TRDN: variants seen among roughly 807,000 people sequenced by gnomAD.
The protein encoded by TRDN is triadin in skeletal muscle.
A neutral mutation model predicts 149.7 loss-of-function variants in TRDN; 161 were observed. The ratio of observed to expected loss-of-function variants is 1.08; its 90% confidence interval spans 0.95 to 1.23. The LOEUF (loss-of-function observed/expected upper bound fraction) is 1.23, where lower values mean the gene tolerates loss of function less well. Ranked by LOEUF, TRDN falls within the 50% of genes most tolerant of loss-of-function variation. The probability of loss-of-function intolerance (pLI) is 0.00; values close to 1 mark genes in which losing one functional copy is unlikely to be tolerated. For synonymous variants in TRDN, 294 were observed against 250.5 expected (o/e 1.17, Z -1.64); for missense variants, 896 against 823.5 (o/e 1.09, Z -1.08).
chr6:123,462,766 A>T (rs1776527764), intron 10 of TRDN: 1 of 151,842 alleles, frequency 6.6e-6, no homozygotes, highest in African/African-American at 2.4e-5. Context: ...CATCAAGAGG[A>T]CTGGCATAAT....
At chr6:123,279,866 A>G (rs2114629032) in intron 24 of TRDN, among the ~76,000 whole-genome samples, 1 of 152,240 alleles carries the variant, frequency 6.6e-6, no homozygotes, top group South Asian at 2.1e-4. Context: ...TAATTTCAAA[A>G]CTATCCTAGT....
intron 5 of TRDN, among the ~76,000 whole-genome samples, chr6:123,529,618 A>G (rs1780129386): frequency 1.3e-5 from 2 of 152,090 alleles, no homozygotes; most frequent in Admixed American, 1.3e-4. Context: ...ACTAGCTGCA[A>G]CTGTGGTATT....
At chr6:123,485,952 A>G (rs1777954169) in intron 9 of TRDN, among the ~76,000 whole-genome samples, 1 of 151,904 alleles carries the variant, frequency 6.6e-6, no homozygotes, top group Non-Finnish European at 1.5e-5. Flanking sequence ...TGAATGTTGT[A>G]TCACTAGTGG....
chr6:123,529,004 G>A, intron 5 of TRDN: 1 of 1,311,094 alleles, frequency 7.6e-7, no homozygotes, highest in East Asian at 2.9e-5. Context: ...TCTTAATTAT[G>A]GAAGACTTGC....
intron 2 of TRDN, among the ~76,000 whole-genome samples, chr6:123,551,053 A>G (rs1338444537): frequency 1.3e-5 from 2 of 151,638 alleles, no homozygotes; most frequent in Admixed American, 6.6e-5. Flanking sequence ...AAAAATCTGC[A>G]AATGAGATTT....
At chr6:123,242,963 C>T (rs1008953170) in intron 38 of TRDN, among the ~76,000 whole-genome samples, 3 of 152,180 alleles carry the variant, frequency 2.0e-5, no homozygotes, top group Non-Finnish European at 2.9e-5. Context: ...ATTCTGAGAG[C>T]TCAGCTCCAA....
At chr6:123,391,936 C>A (rs1772494266) in intron 13 of TRDN, among the ~76,000 whole-genome samples, 1 of 152,008 alleles carries the variant, frequency 6.6e-6, no homozygotes, top group Non-Finnish European at 1.5e-5. Flanking sequence ...ATGCCTATGG[C>A]ATTAAAATAA....
intron 20 of TRDN, among the ~76,000 whole-genome samples, chr6:123,354,669 T>C (rs1423707497): frequency 6.6e-6 from 1 of 151,764 alleles, no homozygotes; most frequent in Non-Finnish European, 1.5e-5. Context: ...ATGGAAAATA[T>C]ACAAGAGGTT....
chr6:123,304,982 T>A (rs1778556527), intron 24 of TRDN, among the ~76,000 whole-genome samples: 1 of 152,190 alleles, frequency 6.6e-6, no homozygotes, highest in Non-Finnish European at 1.5e-5. Flanking sequence ...CTTATTTAAT[T>A]TCTCCAAAAA....
chr6:123,225,845 T>C (rs1250037739), intron 38 of TRDN, among the ~76,000 whole-genome samples: 1 of 151,734 alleles, frequency 6.6e-6, no homozygotes, highest in Non-Finnish European at 1.5e-5. Flanking sequence ...TAATTTTAAG[T>C]CTGAGGCAAT....
At chr6:123,399,452 T>A (rs1772872692) in intron 12 of TRDN, among the ~76,000 whole-genome samples, 1 of 152,176 alleles carries the variant, frequency 6.6e-6, no homozygotes, top group Admixed American at 6.5e-5. Context: ...AAGATACAGA[T>A]CATTTGGCCT....
intron 1 of TRDN, among the ~76,000 whole-genome samples, chr6:123,635,724 C>A (rs1362585864): frequency 6.6e-6 from 1 of 151,790 alleles, no homozygotes; most frequent in Admixed American, 6.6e-5. Flanking sequence ...CAAAGCAAAC[C>A]AGCACAGCAT....
intron 22 of TRDN, among the ~76,000 whole-genome samples, chr6:123,337,370 AC>A (rs1779910267): frequency 6.6e-6 from 1 of 152,004 alleles, no homozygotes; most frequent in Non-Finnish European, 1.5e-5. Context: ...CATTAAAAAA[AC>A]CTTTTTTCAT....
chr6:123,565,179 A>G (rs1782216839), intron 2 of TRDN, among the ~76,000 whole-genome samples: 1 of 152,208 alleles, frequency 6.6e-6, no homozygotes, highest in South Asian at 2.1e-4. Flanking sequence ...ATCAGAATAC[A>G]TAATCAAGGC....
chr6:123,532,089 C>T (rs919818346), intron 4 of TRDN, among the ~76,000 whole-genome samples: 1 of 151,946 alleles, frequency 6.6e-6, no homozygotes. Context: ...CCTATACTAT[C>T]CAATGCAGTA....
chr6:123,404,647 G>A (rs934186347), intron 12 of TRDN, among the ~76,000 whole-genome samples: 4 of 151,858 alleles, frequency 2.6e-5, no homozygotes, highest in South Asian at 2.1e-4. Context: ...TTTCTGCCAC[G>A]TTGGCCAGGT....
At chr6:123,381,340 T>C in intron 16 of TRDN, 30 bp downstream of exon 16, 1 of 1,542,298 alleles carries the variant, frequency 6.5e-7, no homozygotes, top group Middle Eastern at 1.7e-4. Context: ...AAAAAAAAAG[T>C]ACACAAATAC....
In TRDN at chr6:123,216,724, T is replaced by C. The variant is rs199894760; in HGVS notation, c.*1877A>G. The C allele has an allele frequency of 6.7e-6, 1 of 150,352 alleles. No homozygotes were observed. Among genetic ancestry groups the C allele is most frequent in the African/African-American group, 2.4e-5 (1 of 41,372 alleles). 9.3% of individuals were successfully genotyped at this position (150,352 alleles called of 1,614,324 possible). A position where few individuals can be genotyped will look rare whatever the true frequency, so the allele number is the denominator to read the frequency against. On this transcript the variant is annotated 3_prime_UTR_variant, in exon 41 of 41. Transcript: ENST00000334268. ...TATTTTACTCATGGAGAAACAAACA[T>C]AGTATGTTTAGTAAATTTTTCAAGG... is the stretch of plus-strand genomic sequence containing the variant.
rs1009184729 is a variant in TRDN at position 123,439,111 on chromosome 6, T to G, written c.932-108A>C. ...AGTCAGTTCTGCCTCCAGCTAGCTT[T>G]GTGACTGAGCAAGTAATTTAATCCC... On this transcript the variant is annotated intron_variant, in intron 10 of 40. Transcript: ENST00000334268. 1.6e-5 allele frequency: 12 copies of G among 758,296 alleles called. No individual in the cohort carries two copies. In the African/African-American group the frequency reaches 1.8e-4, roughly 11 times the overall value. The allele number at this position is 758,296 out of a possible 1,614,324, so 47.0% of individuals were successfully genotyped here.
Sources: gnomAD v4.1 joint callset for allele counts (sites outside exome capture counted in the v4.1 genomes callset) on GRCh38, gnomAD v4.1.1 for gene constraint, MANE v1.5 for transcripts, NCBI Gene and HGNC (gene_info 2026-07-23, HGNC 2026-07-21) for gene names.